The following SEPTIN9 variants were observed in gnomAD, a reference collection of about 807,000 sequenced individuals.
The protein encoded by SEPTIN9 is septin-9.
A neutral mutation model predicts 56.6 loss-of-function variants in SEPTIN9; 13 were observed. The observed-to-expected ratio is 0.23, with a 90% CI of 0.15 to 0.37. SEPTIN9 has a LOEUF of 0.37. Among genes scored for constraint, SEPTIN9 ranks in the 10% least tolerant of loss-of-function variants. The probability of loss-of-function intolerance (pLI) is 1.00; values close to 1 mark genes in which losing one functional copy is unlikely to be tolerated. For synonymous variants in SEPTIN9, 332 were observed against 334.1 expected (o/e 0.99, Z 0.07); for missense variants, 650 against 823.1 (o/e 0.79, Z 2.57).
chr17:77,305,100 G>A (rs550337672), intron 1 of SEPTIN9, among the ~76,000 whole-genome samples: 215 of 152,226 alleles, frequency 1.4e-3, no homozygotes, highest in African/African-American at 5.1e-3. Context: ...GGAGATCTGC[G>A]CCGAGGTCTG....
At chr17:77,482,714 C>T (rs1165726899) in intron 4 of SEPTIN9, 3 of 588,224 alleles carry the variant, frequency 5.1e-6, no homozygotes, top group East Asian at 5.7e-5. Flanking sequence ...CCCCACCGCA[C>T]CCCACCGCAC....
At chr17:77,385,908 G>A (rs2035320018) in intron 2 of SEPTIN9, among the ~76,000 whole-genome samples, 1 of 152,216 alleles carries the variant, frequency 6.6e-6, no homozygotes, top group Non-Finnish European at 1.5e-5. Context: ...TTTGGAAACT[G>A]CTGGCCCGAG....
chr17:77,285,572 A>AT (rs915690019), intron 1 of SEPTIN9, among the ~76,000 whole-genome samples: 3 of 150,504 alleles, frequency 2.0e-5, no homozygotes, highest in African/African-American at 7.3e-5. Context: ...TAATTTTTGT[A>AT]TTTTTTAGTA....
chr17:77,334,476 A>G (rs959552215), intron 2 of SEPTIN9, among the ~76,000 whole-genome samples: 2 of 151,052 alleles, frequency 1.3e-5, no homozygotes, highest in East Asian at 1.9e-4. Flanking sequence ...TATTCTGGAT[A>G]TAAGTCCTTT....
intron 2 of SEPTIN9, among the ~76,000 whole-genome samples, chr17:77,378,838 T>A (rs1555654942): frequency 6.6e-6 from 1 of 152,024 alleles, no homozygotes; most frequent in Non-Finnish European, 1.5e-5. Flanking sequence ...TGCCACCATC[T>A]ACCCCCACCC....
At chr17:77,430,472 G>A (rs2037085453) in intron 3 of SEPTIN9, among the ~76,000 whole-genome samples, 1 of 152,126 alleles carries the variant, frequency 6.6e-6, no homozygotes, top group African/African-American at 2.4e-5. Flanking sequence ...GCTCCCTACA[G>A]CCAGCGGCCG....
chr17:77,428,005 C>T (rs573139036), intron 3 of SEPTIN9, among the ~76,000 whole-genome samples: 24 of 152,342 alleles, frequency 1.6e-4, no homozygotes, highest in African/African-American at 5.1e-4. Context: ...CAGTGCCATC[C>T]TTGCACCACG....
rs568425253 is a variant in SEPTIN9 at position 77,444,191 on chromosome 17, T to C, written c.722-37953T>C. The stretch of plus-strand genomic sequence containing the variant: ...AGGCTTGAAAATGAGTTGGCCAGAT[T>C]GCAGGGGTCCTCGAATGCAAGGGAA... On this transcript the variant is annotated intron_variant, in intron 3 of 11. Transcript: ENST00000427177. 2.0e-5 allele frequency among the ~76,000 whole-genome samples: 3 copies of C among 152,242 alleles called. No homozygotes were observed. The East Asian group carries it at 5.8e-4, about 29-fold the overall frequency.
chr17:77,441,146 T>C (rs1205813639), intron 3 of SEPTIN9, among the ~76,000 whole-genome samples: 1 of 152,130 alleles, frequency 6.6e-6, no homozygotes, highest in Non-Finnish European at 1.5e-5. Context: ...GCTGGGCTGG[T>C]TTGGGCCCAA....
At chr17:77,292,918 C>A (rs2031631560) in intron 1 of SEPTIN9, among the ~76,000 whole-genome samples, 1 of 152,168 alleles carries the variant, frequency 6.6e-6, no homozygotes, top group African/African-American at 2.4e-5. Flanking sequence ...CATCTGCTCA[C>A]CTTTCTCATG....
At position 77,496,958 on chromosome 17, in the gene SEPTIN9, C is replaced by G. The variant is rs574407086; in HGVS notation, c.1574-357C>G. ...GCTGGGACGTCCTGCTCTCCCTGGT[C>G]ACCCCAGTGGTGCGGGGGCCCACTG... On this transcript the variant is annotated intron_variant, in intron 10 of 11. Coordinates refer to ENST00000427177, the MANE Select transcript of SEPTIN9 (RefSeq NM_001113491.2). The G allele has an allele frequency of 4.1e-5, 14 of 337,718 alleles. No individual in the cohort carries two copies. In the East Asian group the frequency reaches 8.6e-4, roughly 21 times the overall value. 20.9% of individuals were successfully genotyped at this position (337,718 alleles called of 1,614,324 possible). A position where few individuals can be genotyped will look rare whatever the true frequency, so the allele number is the denominator to read the frequency against.
At chr17:77,345,410 C>T (rs1697792165) in intron 2 of SEPTIN9, among the ~76,000 whole-genome samples, 1 of 152,212 alleles carries the variant, frequency 6.6e-6, no homozygotes, top group African/African-American at 2.4e-5. Flanking sequence ...GAGCGTCCTC[C>T]ACACCTTGCC....
rs762185317 is a variant in SEPTIN9 at position 77,429,126 on chromosome 17, C to G, written c.721+26423C>G. On this transcript the variant is annotated intron_variant, in intron 3 of 11. Coordinates refer to ENST00000427177, the MANE Select transcript of SEPTIN9 (RefSeq NM_001113491.2). This position sits in a 1 kb window ranked among gnomAD's most constrained non-coding sequence, Gnocchi z 5.2. ...GTCCTCCGGTGTGTGTGAGGCCAAG[C>G]TCCTGGGGTGGGGACTTGGGGGTGT... 1.1e-5 allele frequency: 5 copies of G among 471,528 alleles called. No individual in the cohort carries two copies. The highest frequency in any genetic ancestry group is 4.0e-5 in the African/African-American group (2 of 50,072). The allele number at this position is 471,528 out of a possible 1,614,324, so 29.2% of individuals were successfully genotyped here. A position where few individuals can be genotyped will look rare whatever the true frequency, so the allele number is the denominator to read the frequency against.
rs137994966 is a variant in SEPTIN9 at position 77,361,268 on chromosome 17, A to G, written c.77-40791A>G. On this transcript the variant is annotated intron_variant, in intron 2 of 11. Coordinates refer to ENST00000427177, the MANE Select transcript of SEPTIN9 (RefSeq NM_001113491.2). The stretch of plus-strand genomic sequence containing the variant: ...GAAAATCTTCCTGAAAGATTTGCCT[A>G]CTGATGTCTGTGTCAATAGGTACTG... Among the ~76,000 whole-genome samples, 5 of 152,246 alleles carry G rather than the reference A, an allele frequency of 3.3e-5. No individual in the cohort carries two copies. The East Asian group carries it at 9.7e-4, about 29-fold the overall frequency.
chr17:77,344,724 C>A (rs544260854), intron 2 of SEPTIN9, among the ~76,000 whole-genome samples: 1 of 152,132 alleles, frequency 6.6e-6, no homozygotes, highest in Admixed American at 6.5e-5. Flanking sequence ...GTAATCCCAG[C>A]GCTTTGGAAG....
intron 2 of SEPTIN9, among the ~76,000 whole-genome samples, chr17:77,314,817 G>A (rs2032637706): frequency 6.6e-6 from 1 of 152,346 alleles, no homozygotes; most frequent in African/African-American, 2.4e-5. Flanking sequence ...CTGGCCTGGT[G>A]TGGGGAGCAC....
chr17:77,399,992 T>C (rs765485982), intron 2 of SEPTIN9, among the ~76,000 whole-genome samples: 3 of 152,064 alleles, frequency 2.0e-5, no homozygotes, highest in Non-Finnish European at 4.4e-5. Flanking sequence ...TTAGTTTTAG[T>C]TTGTGGAGAC....
chr17:77,417,400 C>T (rs918089015), intron 3 of SEPTIN9, among the ~76,000 whole-genome samples: 57 of 152,100 alleles, frequency 3.7e-4, no homozygotes, highest in African/African-American at 1.2e-3. Context: ...AGAGAGAGGC[C>T]GATGGACCCT....
At chr17:77,408,693 C>T (rs978909542) in intron 3 of SEPTIN9, among the ~76,000 whole-genome samples, 5 of 151,932 alleles carry the variant, frequency 3.3e-5, no homozygotes, top group African/African-American at 1.2e-4. Context: ...GGGCGGGCAT[C>T]AGCCTGCAAG....
Sources: allele counts gnomAD v4.1 joint callset (sites outside exome capture counted in the v4.1 genomes callset), GRCh38; gene constraint gnomAD v4.1.1; non-coding constraint Gnocchi (gnomAD v3.1); transcripts MANE v1.5; gene names NCBI Gene and HGNC (gene_info 2026-07-23, HGNC 2026-07-21).